Variants in FYN observed in about 807,000 individuals in gnomAD.
FYN encodes FYN proto-oncogene, Src family tyrosine kinase.
In FYN, 10 loss-of-function variants were observed where a neutral mutation model predicts 70.2. The observed-to-expected ratio is 0.14, with a 90% CI of 0.09 to 0.24. FYN has a LOEUF of 0.24. FYN is among the 10% of genes least tolerant of loss of function. The probability of loss-of-function intolerance (pLI) is 1.00; values close to 1 mark genes in which losing one functional copy is unlikely to be tolerated. For synonymous variants in FYN, 236 were observed against 248.6 expected (o/e 0.95, Z 0.48); for missense variants, 319 against 673.1 (o/e 0.47, Z 5.82).
chr6:111,701,028 G>C (rs1174587573), intron 8 of FYN, among the ~76,000 whole-genome samples: 1 of 150,588 alleles, frequency 6.6e-6, no homozygotes, highest in Non-Finnish European at 1.5e-5. Context: ...GTATAATTTA[G>C]GTGTCTGGTT....
chr6:111,664,240 C>T (rs953728129), intron 13 of FYN, among the ~76,000 whole-genome samples: 13 of 151,874 alleles, frequency 8.6e-5, no homozygotes, highest in Non-Finnish European at 1.3e-4. Flanking sequence ...GTCTCTGTCC[C>T]TTCCAGGAGT....
chr6:111,818,301 G>C (rs1021781737), intron 2 of FYN, among the ~76,000 whole-genome samples: 22 of 152,102 alleles, frequency 1.4e-4, no homozygotes, highest in Non-Finnish European at 2.5e-4. Flanking sequence ...TATCAATCCA[G>C]GTGGGCGCTG....
rs528135299 is a variant in FYN, at chr6:111,767,658, C to A, written c.-12+12908G>T. 1.1e-3 allele frequency among the ~76,000 whole-genome samples: 162 copies of A among 152,300 alleles called. 4 individuals carry two copies. In the South Asian group the frequency reaches 0.026, roughly 25 times the overall value. On this transcript the variant is annotated intron_variant, in intron 3 of 13. Transcript: ENST00000354650. ...CTTGTGATCCACCCACCTTGGCCTC[C>A]CAAAGTGCTGGGATTACAGGCATGG...
At chr6:111,867,674 GCTCT>G (rs1562551389) in intron 1 of FYN, among the ~76,000 whole-genome samples, 1 of 151,884 alleles carries the variant, frequency 6.6e-6, no homozygotes, top group African/African-American at 2.4e-5. Context: ...CCTGTCTACT[GCTCT>G]CTAATTCTTT....
chr6:111,679,098 C>T (rs1309027299), intron 12 of FYN, among the ~76,000 whole-genome samples: 1 of 152,232 alleles, frequency 6.6e-6, no homozygotes, highest in Non-Finnish European at 1.5e-5. Flanking sequence ...CCTCTCTCCT[C>T]TGCAACCTCT....
At chr6:111,852,155 T>G (rs1001726850) in intron 1 of FYN, among the ~76,000 whole-genome samples, 1 of 152,186 alleles carries the variant, frequency 6.6e-6, no homozygotes, top group Non-Finnish European at 1.5e-5. Context: ...GGGGGTTCCA[T>G]TATCATATAA....
chr6:111,735,958 C>T (rs954988595), intron 3 of FYN, among the ~76,000 whole-genome samples: 15 of 152,154 alleles, frequency 9.9e-5, no homozygotes, highest in African/African-American at 3.6e-4. Flanking sequence ...TCTTTTGGGG[C>T]TGGTAGGAGT....
intron 5 of FYN, among the ~76,000 whole-genome samples, chr6:111,712,463 G>T (rs1376557967): frequency 6.6e-6 from 1 of 152,050 alleles, no homozygotes; most frequent in Non-Finnish European, 1.5e-5. Context: ...TCACTTGAAG[G>T]TTCCCATCCC....
At chr6:111,725,831 C>T (rs1055853933) in intron 3 of FYN, among the ~76,000 whole-genome samples, 1 of 152,116 alleles carries the variant, frequency 6.6e-6, no homozygotes, top group Non-Finnish European at 1.5e-5. Flanking sequence ...CCTGCAAATC[C>T]CTAGGATTTA....
chr6:111,782,307 G>A (rs1160263307), intron 2 of FYN, among the ~76,000 whole-genome samples: 6 of 151,950 alleles, frequency 3.9e-5, no homozygotes, highest in Admixed American at 3.3e-4. Context: ...ATAATGCCTC[G>A]CCTTATCACA....
chr6:111,778,577 G>GTT (rs529945726), intron 3 of FYN, among the ~76,000 whole-genome samples: 1 of 143,284 alleles, frequency 7.0e-6, no homozygotes, highest in Non-Finnish European at 1.5e-5. Flanking sequence ...TTTTGTTTTT[G>GTT]TTTTTTTTTT....
intron 1 of FYN, among the ~76,000 whole-genome samples, chr6:111,863,642 T>C (rs1462793499): frequency 3.9e-5 from 6 of 152,202 alleles, no homozygotes; most frequent in Admixed American, 3.9e-4. Context: ...GGAATCCTTA[T>C]ACAACTCCAT....
chr6:111,779,965 T>C (rs983970520), intron 3 of FYN, among the ~76,000 whole-genome samples: 3 of 152,272 alleles, frequency 2.0e-5, no homozygotes, highest in African/African-American at 7.2e-5. Context: ...AGAGAGGTTA[T>C]CTAACAACCA....
intron 4 of FYN, among the ~76,000 whole-genome samples, chr6:111,715,010 T>C (rs1800562387): frequency 6.6e-6 from 1 of 152,180 alleles, no homozygotes; most frequent in Non-Finnish European, 1.5e-5. Context: ...TTTTGCAGTT[T>C]TGTGCTGCTC....
chr6:111,705,895 C>T (rs773331884), intron 6 of FYN, among the ~76,000 whole-genome samples: 31 of 152,246 alleles, frequency 2.0e-4, no homozygotes, highest in Admixed American at 4.6e-4. Flanking sequence ...GTGATCCTCT[C>T]GCCCTGGCCT....
At chr6:111,731,215 C>T (rs1286218563) in intron 3 of FYN, among the ~76,000 whole-genome samples, 1 of 152,206 alleles carries the variant, frequency 6.6e-6, no homozygotes, top group Non-Finnish European at 1.5e-5. Context: ...CAAATGTGGC[C>T]TCATCCTTTC....
In FYN at chr6:111,763,768, CT is replaced by C. The variant is rs199619124; in HGVS notation, c.-12+16797del. On this transcript the variant is annotated intron_variant, in intron 3 of 13. Coordinates refer to ENST00000354650, the MANE Select transcript of FYN (RefSeq NM_002037.5). Reference sequence around the variant, plus strand: ...AGTGTAGCTTAGGGGGAAAAGCATGCTTTTCAAACATGAGTGTGAATGCTTG... The same window carrying C: ...AGTGTAGCTTAGGGGGAAAAGCATGCTTTCAAACATGAGTGTGAATGCTTG... 5.5e-3 allele frequency among the ~76,000 whole-genome samples: 830 copies of C among 152,232 alleles called. 9 individuals carry two copies. Among genetic ancestry groups the C allele is most frequent in the Non-Finnish European group, 6.5e-3 (443 of 68,002 alleles).
At chr6:111,801,404 T>C (rs1265077374) in intron 2 of FYN, among the ~76,000 whole-genome samples, 3 of 152,192 alleles carry the variant, frequency 2.0e-5, no homozygotes, top group Non-Finnish European at 4.4e-5. Flanking sequence ...AGCTCCCCAT[T>C]TTTCTTTTAT....
At chr6:111,811,789 T>C (rs1017762652) in intron 2 of FYN, among the ~76,000 whole-genome samples, 1 of 152,190 alleles carries the variant, frequency 6.6e-6, no homozygotes, top group Non-Finnish European at 1.5e-5. Context: ...GAAGAAGGTA[T>C]TGCTAGTCAG....
Sources: gnomAD v4.1 joint callset for allele counts (sites outside exome capture counted in the v4.1 genomes callset) on GRCh38, gnomAD v4.1.1 for gene constraint, MANE v1.5 for transcripts, NCBI Gene and HGNC (gene_info 2026-07-23, HGNC 2026-07-21) for gene names.